Variants in LATS1 observed in about 807,000 individuals in gnomAD.
LATS1 encodes large tumor suppressor kinase 1.
A neutral mutation model predicts 106.6 loss-of-function variants in LATS1; 25 were observed. The observed-to-expected ratio is 0.23, with a 90% CI of 0.17 to 0.33. LATS1 has a LOEUF of 0.33. Ranked by LOEUF, LATS1 falls within the 10% of genes least tolerant of loss-of-function variation. The pLI is 1.00. For synonymous variants in LATS1, 465 were observed against 455.6 expected, an observed-to-expected ratio of 1.02 and a Z score of -0.26; for missense variants, 1,040 against 1,382.6, an observed-to-expected ratio of 0.75 and a Z score of 3.93.
At chr6:149,705,187 T>A (rs1783694325) in intron 1 of LATS1, among the ~76,000 whole-genome samples, 1 of 152,122 alleles carries the variant, frequency 6.6e-6, no homozygotes, top group South Asian at 2.1e-4. Context: ...GTAAATGAAA[T>A]TAGGATGGAC....
At chr6:149,707,264 T>C (rs1384399008) in intron 1 of LATS1, among the ~76,000 whole-genome samples, 2 of 152,072 alleles carry the variant, frequency 1.3e-5, no homozygotes, top group African/African-American at 2.4e-5. Context: ...TCTGCCCGCC[T>C]TGGCCTCCCA....
intron 7 of LATS1, among the ~76,000 whole-genome samples, chr6:149,663,910 C>T (rs949505842): frequency 2.6e-5 from 4 of 151,238 alleles, no homozygotes; most frequent in East Asian, 1.9e-4. Context: ...TGGTTTCAAG[C>T]GATTCTCCTG....
In LATS1 at chr6:149,708,607, C is replaced by A. The variant is rs574661528; in HGVS notation, c.-140-6341G>T. Reference sequence around the variant, plus strand: ...GCCAAAGCTGGATGAGCAGATGTAACATATCTCAATTCTGGACTGAGGCAG... The same window carrying A: ...GCCAAAGCTGGATGAGCAGATGTAAAATATCTCAATTCTGGACTGAGGCAG... On this transcript the variant is annotated intron_variant, in intron 1 of 7. Transcript: ENST00000543571. Among the ~76,000 whole-genome samples the A allele has an allele frequency of 5.3e-5, 8 of 152,054 alleles. No individual in the cohort carries two copies. In the South Asian group the frequency reaches 1.5e-3, roughly 28 times the overall value.
At chr6:149,702,318 C>T (rs1783509293) in intron 1 of LATS1, 52 bp from the exon 2 acceptor site, 1 of 497,676 alleles carries the variant, frequency 2.0e-6, no homozygotes, top group Middle Eastern at 5.2e-4. Context: ...TACAGCAGTA[C>T]CATGTATTAG....
chr6:149,707,012 T>TC, intron 1 of LATS1, among the ~76,000 whole-genome samples: 2 of 40,830 alleles, frequency 4.9e-5, no homozygotes, highest in African/African-American at 1.3e-4. Context: ...TGGACATCTC[T>TC]TTTTTTTTTT....
At chr6:149,708,992 A>G (rs759570917) in intron 1 of LATS1, among the ~76,000 whole-genome samples, 11 of 152,110 alleles carry the variant, frequency 7.2e-5, no homozygotes, top group Non-Finnish European at 1.2e-4. Flanking sequence ...TCTTTATACT[A>G]AAAAAAGGGG....
intron 7 of LATS1, among the ~76,000 whole-genome samples, chr6:149,667,438 C>CA (rs1189854950): frequency 0.015 from 508 of 33,948 alleles, 39 homozygotes; most frequent in East Asian, 0.043. Flanking sequence ...GACTGTATCT[C>CA]AAAAAAAAAA....
At chr6:149,670,171 C>CAAAAAAAAAA (rs1177166262) in intron 7 of LATS1, among the ~76,000 whole-genome samples, 46 of 31,364 alleles carry the variant, frequency 1.5e-3, no homozygotes, top group Non-Finnish European at 2.7e-3. Flanking sequence ...AATTGCATCT[C>CAAAAAAAAAA]AAAAAAAAAA....
rs776566857 is a variant in LATS1 at position 149,695,226 on chromosome 6, T to TA, written c.349-6dup. 6.4e-7 allele frequency: 1 copy of TA among 1,568,888 alleles called. No individual in the cohort carries two copies. ...AAGAGCTTGTATAACCATATCCTGA[T>TA]ATGAATTGAAGTTTAAAAAAAAAGA... On this transcript the variant is annotated splice_polypyrimidine_tract_variant and splice_region_variant and intron_variant, in intron 2 of 7. Transcript: ENST00000543571.
In LATS1 at chr6:149,660,653, A is replaced by G; in HGVS notation, c.*1076T>C. The G allele has an allele frequency of 4.3e-6, 1 of 231,290 alleles. No individual in the cohort carries two copies. Among genetic ancestry groups the G allele is most frequent in the Non-Finnish European group, 8.6e-6 (1 of 116,942 alleles). 14.3% of individuals were successfully genotyped at this position (231,290 alleles called of 1,614,324 possible). ...TGTTGAACGCATTATTGAACCTTAA[A>G]TAAATTAGGAGGACTTGAATTTTCT... On this transcript the variant is annotated 3_prime_UTR_variant, in exon 8 of 8. Transcript: ENST00000543571.
chr6:149,688,910 G>A (rs1265868716), intron 3 of LATS1, among the ~76,000 whole-genome samples: 1 of 152,112 alleles, frequency 6.6e-6, no homozygotes, highest in East Asian at 1.9e-4. Flanking sequence ...GCTCAAGCCT[G>A]TAATCCTAGC....
intron 7 of LATS1, among the ~76,000 whole-genome samples, chr6:149,674,096 CAG>C (rs1413567988): frequency 6.6e-6 from 1 of 150,586 alleles, no homozygotes; most frequent in South Asian, 2.1e-4. Context: ...TTTTTTTAGA[CAG>C]AGTTTTGCTC....
At position 149,684,016 on chromosome 6, in the gene LATS1, A is replaced by G. The variant is rs1365514616; in HGVS notation, c.1073T>C (p.Ile358Thr). The change falls in exon 4 of 8, where the codon ATA becomes ACA. Residue 358 changes from isoleucine (I) to threonine (T), a missense_variant. Physicochemically the swap from Ile to Thr is moderately conservative, Grantham distance 89 (BLOSUM62 -1). Transcript: ENST00000543571. ...QNGTGQTDFM[I>T]HQNVVPAGTV... Reference sequence around the variant, plus strand: ...GCCAGCAGGGACAACATTTTGGTGTATCATGAAATCAGTTTGTCCAGTACC... The same window carrying G: ...GCCAGCAGGGACAACATTTTGGTGTGTCATGAAATCAGTTTGTCCAGTACC... 14 of 1,614,086 alleles carry G rather than the reference A, an allele frequency of 8.7e-6. No individual in the cohort carries two copies. The highest frequency in any genetic ancestry group is 1.0e-5 in the Non-Finnish European group (12 of 1,180,042).
intron 5 of LATS1, among the ~76,000 whole-genome samples, chr6:149,678,254 G>T (rs958635138): frequency 6.7e-6 from 1 of 148,616 alleles, no homozygotes; most frequent in African/African-American, 2.5e-5. Context: ...TGAGGCAAGA[G>T]AATGGCGTGA....
chr6:149,662,792 C>T (rs907484360), intron 7 of LATS1, among the ~76,000 whole-genome samples: 8 of 151,460 alleles, frequency 5.3e-5, no homozygotes, highest in Non-Finnish European at 1.0e-4. Flanking sequence ...AGCGAGACCC[C>T]CTCTCTACAA....
At chr6:149,682,489 G>A (rs1782107021) in intron 4 of LATS1, among the ~76,000 whole-genome samples, 1 of 147,310 alleles carries the variant, frequency 6.8e-6, no homozygotes, top group African/African-American at 2.5e-5. Context: ...TCGGCTCACT[G>A]CAACCTCCGC....
intron 7 of LATS1, among the ~76,000 whole-genome samples, chr6:149,669,415 G>T (rs1364023636): frequency 6.6e-6 from 1 of 151,988 alleles, no homozygotes; most frequent in Non-Finnish European, 1.5e-5. Flanking sequence ...TTACAGGTGT[G>T]AGCCACCGTG....
At chr6:149,677,146 CA>C (rs1781765875) in intron 5 of LATS1, among the ~76,000 whole-genome samples, 1 of 95,268 alleles carries the variant, frequency 1.0e-5, no homozygotes, top group South Asian at 3.1e-4. Flanking sequence ...GGAAAAGAAA[CA>C]AAACAATTAC....
intron 1 of LATS1, among the ~76,000 whole-genome samples, chr6:149,705,696 G>A (rs1016883916): frequency 2.0e-5 from 3 of 151,940 alleles, no homozygotes; most frequent in African/African-American, 4.8e-5. Context: ...AGTAGGTAGC[G>A]CAAAAATATT....
Sources: allele counts gnomAD v4.1 joint callset (sites outside exome capture counted in the v4.1 genomes callset), GRCh38; gene constraint gnomAD v4.1.1; transcripts MANE v1.5; gene names NCBI Gene and HGNC (gene_info 2026-07-23, HGNC 2026-07-21).